Variants in PFKFB3 observed in about 807,000 individuals in gnomAD.
PFKFB3 encodes 6-phosphofructo-2-kinase/fructose-2,6-bisphosphatase 3.
PFKFB3 carries 33 observed loss-of-function variants against 68.0 expected under a neutral mutation model. That is an observed-to-expected ratio of 0.49 (90% CI 0.37 to 0.65). PFKFB3 has a LOEUF of 0.65. PFKFB3 is among the 30% of genes least tolerant of loss of function. The probability of loss-of-function intolerance (pLI) is 0.00; values close to 1 mark genes in which losing one functional copy is unlikely to be tolerated. For missense variants in PFKFB3, 586 were observed against 712.2 expected (o/e 0.82, Z 2.02); for synonymous variants, 315 against 288.2 (o/e 1.09, Z -0.94).
intron 14 of PFKFB3, among the ~76,000 whole-genome samples, chr10:6,242,620 C>A (rs1206880168): frequency 1.3e-5 from 2 of 151,590 alleles, no homozygotes; most frequent in African/African-American, 2.4e-5. Context: ...CGGAGTCTCG[C>A]TCTGTTGCCC....
At chr10:6,251,959 C>T (rs896929749) in intron 14 of PFKFB3, among the ~76,000 whole-genome samples, 4 of 152,028 alleles carry the variant, frequency 2.6e-5, no homozygotes, top group Non-Finnish European at 5.9e-5. Flanking sequence ...CAGAGTGAGA[C>T]TCTGTCTCAA....
At chr10:6,259,579 C>T (rs1414749143), downstream of PFKFB3, among the ~76,000 whole-genome samples, 2 of 107,066 alleles carry the variant, frequency 1.9e-5, no homozygotes, top group Non-Finnish European at 4.0e-5. Flanking sequence ...CTCATCCATC[C>T]ACTCATCCAT....
upstream of PFKFB3, among the ~76,000 whole-genome samples, chr10:6,199,130 A>C (rs1843252177): frequency 1.3e-5 from 2 of 152,102 alleles, no homozygotes; most frequent in East Asian, 3.9e-4. Flanking sequence ...TCTCTCCCTC[A>C]TACATGGGAT....
intron 1 of PFKFB3, among the ~76,000 whole-genome samples, chr10:6,192,251 C>G (rs919861033): frequency 6.6e-6 from 1 of 151,902 alleles, no homozygotes; most frequent in African/African-American, 2.4e-5. Context: ...GACAGACCGT[C>G]CCATTCTCTC....
intron 1 of PFKFB3, among the ~76,000 whole-genome samples, chr10:6,158,664 A>G (rs945180437): frequency 2.6e-5 from 4 of 151,998 alleles, no homozygotes; most frequent in African/African-American, 4.8e-5. Context: ...TCAGGAGTTC[A>G]AGACCAGCCT....
rs10905912 is a variant in PFKFB3, at chr10:6,154,286, G to C, written c.16+9273G>C. 0.6 allele frequency among the ~76,000 whole-genome samples: 90,243 copies of C among 150,470 alleles called. 27,697 individuals carry two copies. Among genetic ancestry groups the C allele is most frequent in the Non-Finnish European group, 0.66 (44,876 of 67,650 alleles). ...TTTGAGGCAGGGTCCCACTCTGTTG[G>C]CCAGGCTGGAGTGCAGTGGCGCGTT... On this transcript the variant is annotated intron_variant, in intron 1 of 14. Coordinates refer to the PFKFB3 transcript ENST00000379789. This position sits in a 1 kb window ranked among gnomAD's most constrained non-coding sequence, Gnocchi z 4.6.
chr10:6,301,931 C>G, the PFKFB3 span, among the ~76,000 whole-genome samples: 1 of 152,194 alleles, frequency 6.6e-6, no homozygotes, highest in Non-Finnish European at 1.5e-5. Flanking sequence ...AGTTCCCCAC[C>G]ACACAGGTTA....
chr10:6,183,289 G>A (rs1692829661), intron 1 of PFKFB3, among the ~76,000 whole-genome samples: 3 of 152,204 alleles, frequency 2.0e-5, no homozygotes, highest in Admixed American at 1.3e-4. Context: ...CAACTTTGGG[G>A]TTGGCTTATT....
intron 1 of PFKFB3, among the ~76,000 whole-genome samples, chr10:6,147,768 G>T (rs1213324931): frequency 1.3e-5 from 2 of 152,054 alleles, no homozygotes; most frequent in Non-Finnish European, 2.9e-5. Context: ...GCCTGACGGG[G>T]TGGTCCATAC....
intron 1 of PFKFB3, among the ~76,000 whole-genome samples, chr10:6,193,244 G>C (rs117922900): frequency 6.6e-6 from 1 of 152,166 alleles, no homozygotes; most frequent in Admixed American, 6.5e-5. Flanking sequence ...CCAGATACTC[G>C]GGAGGCTGAA....
chr10:6,203,768 C>G lies in PFKFB3; in HGVS notation c.76+432C>G, dbSNP rs753101142. Among the ~76,000 whole-genome samples the G allele has an allele frequency of 2.6e-4, 40 of 152,370 alleles. No individual in the cohort carries two copies. The Middle Eastern group carries it at 0.01, about 39-fold the overall frequency. On this transcript the variant is annotated intron_variant, in intron 1 of 14. Transcript: ENST00000379775. ...TGCATGTTTCCATCTCCTCTCCCGC[C>G]TTGCTATGCATTCCTATCCCCTCGC...
chr10:6,310,138 T>A, the PFKFB3 span, among the ~76,000 whole-genome samples: 4,244 of 152,150 alleles, frequency 0.028, 196 homozygotes, highest in African/African-American at 0.097. Context: ...CAGGAGCAGG[T>A]TCTTGGCCGG....
the PFKFB3 span, among the ~76,000 whole-genome samples, chr10:6,299,720 T>C: frequency 2.8e-3 from 422 of 152,296 alleles, 4 homozygotes; most frequent in Non-Finnish European, 3.4e-3. Context: ...TAGAACCCCT[T>C]ACCTCCAACC....
intron 1 of PFKFB3, among the ~76,000 whole-genome samples, chr10:6,192,664 C>CATGTGTGTGTGT (rs1285620223): frequency 1.8e-3 from 231 of 128,876 alleles, no homozygotes; most frequent in African/African-American, 5.1e-3. Context: ...TCCCCTCACC[C>CATGTGTGTGTGT]GTGTGTGTGT....
chr10:6,170,593 A>C (rs1472099752), intron 1 of PFKFB3, among the ~76,000 whole-genome samples: 1 of 152,228 alleles, frequency 6.6e-6, no homozygotes, highest in Non-Finnish European at 1.5e-5. Flanking sequence ...AACCACAAAA[A>C]TCCATGGGGT....
chr10:6,303,749 G>A, the PFKFB3 span, among the ~76,000 whole-genome samples: 1,108 of 146,964 alleles, frequency 7.5e-3, 9 homozygotes, highest in African/African-American at 0.026. Flanking sequence ...GCAGTGAGCC[G>A]AGATTGCGCC....
chr10:6,284,446 T>C, the PFKFB3 span, among the ~76,000 whole-genome samples: 1 of 152,354 alleles, frequency 6.6e-6, no homozygotes, highest in East Asian at 1.9e-4. Context: ...TCTTTATTCC[T>C]GATAATTTTC....
At chr10:6,150,579 G>A (rs1841541968) in intron 1 of PFKFB3, among the ~76,000 whole-genome samples, 1 of 152,090 alleles carries the variant, frequency 6.6e-6, no homozygotes, top group African/African-American at 2.4e-5. Flanking sequence ...AGCTGAAATC[G>A]TGGCCACTGC....
At chr10:6,288,052 T>C in the PFKFB3 span, among the ~76,000 whole-genome samples, 7 of 152,156 alleles carry the variant, frequency 4.6e-5, no homozygotes, top group Admixed American at 3.3e-4. Context: ...ATACTCTAGA[T>C]TGATTATTTT....
Sources: allele counts gnomAD v4.1 joint callset (sites outside exome capture counted in the v4.1 genomes callset), GRCh38; gene constraint gnomAD v4.1.1; non-coding constraint Gnocchi (gnomAD v3.1); transcripts MANE v1.5; gene names NCBI Gene and HGNC (gene_info 2026-07-23, HGNC 2026-07-21).